CGGBP1: variants seen among roughly 807,000 people sequenced by gnomAD.
The protein encoded by CGGBP1 is CGG triplet repeat-binding protein 1.
A neutral mutation model predicts 11.4 loss-of-function variants in CGGBP1; 4 were observed. That is an observed-to-expected ratio of 0.35 (90% CI 0.17 to 0.80). The LOEUF (loss-of-function observed/expected upper bound fraction) is 0.80. Ranked by LOEUF, CGGBP1 falls within the 30% of genes least tolerant of loss-of-function variation. The pLI, the probability that CGGBP1 is intolerant of heterozygous loss-of-function variation, is 0.52. For missense variants in CGGBP1, 135 were observed against 202.1 expected (o/e 0.67, Z 2.01); for synonymous variants, 76 against 74.1 (o/e 1.03, Z -0.13).
intron 2 of CGGBP1, among the ~76,000 whole-genome samples, chr3:88,068,229 C>T (rs893202024): frequency 3.3e-5 from 5 of 151,322 alleles, no homozygotes; most frequent in South Asian, 2.1e-4. Context: ...TTATTTGTCT[C>T]GGTGAAGGTG....
chr3:88,108,635 C>T (rs1447314769), intron 2 of CGGBP1, among the ~76,000 whole-genome samples: 1 of 152,136 alleles, frequency 6.6e-6, no homozygotes, highest in Admixed American at 6.6e-5. Flanking sequence ...TATACGCTAC[C>T]TGCCCATTAG....
chr3:88,110,538 A>T (rs1175256209), intron 2 of CGGBP1, among the ~76,000 whole-genome samples: 1 of 152,106 alleles, frequency 6.6e-6, no homozygotes, highest in Non-Finnish European at 1.5e-5. Flanking sequence ...TTTCTCATGT[A>T]CTATACAAAA....
intron 2 of CGGBP1, among the ~76,000 whole-genome samples, chr3:88,098,015 A>C (rs1480197447): frequency 6.6e-6 from 1 of 152,210 alleles, no homozygotes; most frequent in Non-Finnish European, 1.5e-5. Context: ...AGACATAAAA[A>C]ACCCTTCAAA....
intron 2 of CGGBP1, among the ~76,000 whole-genome samples, chr3:88,109,364 G>A (rs1212693208): frequency 1.3e-5 from 2 of 152,046 alleles, no homozygotes; most frequent in Admixed American, 6.6e-5. Context: ...AGTATATATA[G>A]AAAGAGTTCT....
intron 2 of CGGBP1, chr3:88,140,260 A>G: frequency 6.2e-7 from 1 of 1,613,878 alleles, no homozygotes; most frequent in South Asian, 1.1e-5. Flanking sequence ...CTGTATGAAC[A>G]TGAAGCTCAA....
intron 2 of CGGBP1, among the ~76,000 whole-genome samples, chr3:88,065,707 A>G (rs1707157958): frequency 6.6e-6 from 1 of 152,098 alleles, no homozygotes; most frequent in East Asian, 1.9e-4. Flanking sequence ...TTCTTTTCCT[A>G]CCTCACAGAT....
At chr3:88,112,307 G>T (rs1705141175) in intron 2 of CGGBP1, among the ~76,000 whole-genome samples, 1 of 151,340 alleles carries the variant, frequency 6.6e-6, no homozygotes, top group Non-Finnish European at 1.5e-5. Context: ...ACAACTTTAG[G>T]TAGTTACACT....
intron 1 of CGGBP1, among the ~76,000 whole-genome samples, chr3:88,146,740 T>G (rs1303130162): frequency 6.6e-6 from 1 of 152,170 alleles, no homozygotes; most frequent in Non-Finnish European, 1.5e-5. Flanking sequence ...TTACTGGTTG[T>G]TCACCTTTTT....
upstream of CGGBP1, among the ~76,000 whole-genome samples, chr3:88,059,660 T>A (rs968333214): frequency 1.0e-4 from 15 of 146,078 alleles, no homozygotes; most frequent in African/African-American, 3.8e-4. Context: ...CTTATCCGGC[T>A]TGGGGTGGGG....
intron 2 of CGGBP1, among the ~76,000 whole-genome samples, chr3:88,137,900 TAC>T (rs749854713): frequency 2.0e-5 from 3 of 151,994 alleles, no homozygotes; most frequent in African/African-American, 4.8e-5. Context: ...ATGATATATA[TAC>T]ATATATATGA....
At chr3:88,089,538 G>T (rs373487893) in intron 2 of CGGBP1, among the ~76,000 whole-genome samples, 1 of 151,818 alleles carries the variant, frequency 6.6e-6, no homozygotes, top group Non-Finnish European at 1.5e-5. Context: ...AGAAAAGCAA[G>T]AACTGGGACT....
intron 2 of CGGBP1, among the ~76,000 whole-genome samples, chr3:88,087,089 T>G (rs943517885): frequency 2.7e-5 from 4 of 149,542 alleles, no homozygotes; most frequent in African/African-American, 9.9e-5. Context: ...GCCCATTGTT[T>G]TGTTTTTTTG....
intron 2 of CGGBP1, among the ~76,000 whole-genome samples, chr3:88,117,321 G>T (rs1437814061): frequency 6.6e-6 from 1 of 152,082 alleles, no homozygotes; most frequent in African/African-American, 2.4e-5. Flanking sequence ...GAACAAACAG[G>T]ATTCCCACAA....
intron 2 of CGGBP1, among the ~76,000 whole-genome samples, chr3:88,115,961 T>C (rs1705363402): frequency 6.6e-6 from 1 of 152,086 alleles, no homozygotes; most frequent in Non-Finnish European, 1.5e-5. Context: ...GGCCAAACAA[T>C]ACTTGATTGA....
intron 2 of CGGBP1, among the ~76,000 whole-genome samples, chr3:88,066,142 T>G (rs1707186485): frequency 6.6e-6 from 1 of 152,232 alleles, no homozygotes; most frequent in African/African-American, 2.4e-5. Flanking sequence ...AAAAATGAAT[T>G]GGTTAAATAA....
intron 2 of CGGBP1, among the ~76,000 whole-genome samples, chr3:88,113,868 T>C (rs1450043357): frequency 6.6e-6 from 1 of 152,192 alleles, no homozygotes; most frequent in Non-Finnish European, 1.5e-5. Flanking sequence ...AGACAACCAG[T>C]ACTGCTGTAT....
chr3:88,077,016 A>G (rs1260175387), intron 2 of CGGBP1, among the ~76,000 whole-genome samples: 1 of 152,174 alleles, frequency 6.6e-6, no homozygotes, highest in Non-Finnish European at 1.5e-5. Flanking sequence ...ACTTCCCTGG[A>G]GTAAAAGAAT....
intron 2 of CGGBP1, chr3:88,139,826 A>C: frequency 6.4e-7 from 1 of 1,568,974 alleles, no homozygotes; most frequent in Non-Finnish European, 8.6e-7. Context: ...ACCTGAATCA[A>C]GAAACTTCAG....
At chr3:88,131,670 G>A (rs989503429) in intron 2 of CGGBP1, among the ~76,000 whole-genome samples, 1 of 152,124 alleles carries the variant, frequency 6.6e-6, no homozygotes, top group African/African-American at 2.4e-5. Context: ...AGTGTCTCCA[G>A]CTGCCTAACC....
Sources: allele counts gnomAD v4.1 joint callset (sites outside exome capture counted in the v4.1 genomes callset), GRCh38; gene constraint gnomAD v4.1.1; transcripts MANE v1.5; gene names NCBI Gene and HGNC (gene_info 2026-07-23, HGNC 2026-07-21).